CAPRIN2: variants seen among roughly 807,000 people sequenced by gnomAD.
CAPRIN2 encodes caprin family member 2.
CAPRIN2 carries 66 observed loss-of-function variants against 130.4 expected under a neutral mutation model. The observed-to-expected ratio is 0.51, with a 90% CI of 0.42 to 0.62. CAPRIN2 has a LOEUF of 0.62. Among genes scored for constraint, CAPRIN2 ranks in the 20% least tolerant of loss-of-function variants. The probability of loss-of-function intolerance (pLI) is 0.00; values close to 1 mark genes in which losing one functional copy is unlikely to be tolerated. For missense variants in CAPRIN2, 1,185 were observed against 1,246.6 expected (o/e 0.95, Z 0.74); for synonymous variants, 471 against 444.1 (o/e 1.06, Z -0.76).
At chr12:30,715,868 T>C (rs2057387760) in intron 13 of CAPRIN2, 1 of 158,302 alleles carries the variant, frequency 6.3e-6, no homozygotes, top group Non-Finnish European at 1.4e-5. Context: ...AGAATTCATA[T>C]TACTACCTCT....
At chr12:30,742,848 T>A (rs1319176155) in intron 2 of CAPRIN2, among the ~76,000 whole-genome samples, 24 of 152,184 alleles carry the variant, frequency 1.6e-4, no homozygotes, top group Admixed American at 1.6e-3. Context: ...TTAACTTATA[T>A]GGAATATATT....
intron 12 of CAPRIN2, among the ~76,000 whole-genome samples, 166 bp downstream of exon 14, chr12:30,718,910 ATTC>A (rs1235675513): frequency 6.6e-6 from 1 of 152,240 alleles, no homozygotes; most frequent in Non-Finnish European, 1.5e-5. Context: ...TGGATTTCCT[ATTC>A]TTCTGCCACA....
intron 2 of CAPRIN2, among the ~76,000 whole-genome samples, chr12:30,746,848 A>G (rs2070747470): frequency 6.6e-6 from 1 of 152,238 alleles, no homozygotes; most frequent in South Asian, 2.1e-4. Flanking sequence ...AGCTGCATCA[A>G]GTTAGCCAGA....
intron 1 of CAPRIN2, chr12:30,751,615 G>GCC (rs1453605420): frequency 5.8e-6 from 1 of 171,398 alleles, no homozygotes; most frequent in Non-Finnish European, 1.3e-5. Flanking sequence ...GCACAGGACA[G>GCC]CCCTTTACAA....
At chr12:30,721,760 A>T (rs2059468449) in intron 11 of CAPRIN2, among the ~76,000 whole-genome samples, 2 of 152,194 alleles carry the variant, frequency 1.3e-5, no homozygotes, top group Non-Finnish European at 2.9e-5. Flanking sequence ...CAGAGAAATC[A>T]TGTTTCAGTG....
At chr12:30,735,357 C>G (rs2064263767) in intron 3 of CAPRIN2, 151 bp from the exon 5 acceptor site, 1 of 697,868 alleles carries the variant, frequency 1.4e-6, no homozygotes, top group Non-Finnish European at 2.5e-6. Context: ...CCTTTTTGAG[C>G]TAAAGAAGTC....
chr12:30,710,300 T>C lies in CAPRIN2; in HGVS notation c.2836A>G (p.Met946Val). The change falls in exon 17 of 17, where the codon ATG becomes GTG. Residue 946 changes from methionine to valine, a missense_variant. Transcript: ENST00000298892. This position sits in a 1 kb window ranked among gnomAD's most constrained non-coding sequence, Gnocchi z 4.8. ...CTGGCTGCTGAGAAGGCAACTCGCA[T>C]CTGCTGAGGCAGAGGGTAGACGTGT... 6.2e-7 allele frequency: 1 copy of C among 1,614,216 alleles called. No individual in the cohort carries two copies. The highest frequency in any genetic ancestry group is 8.5e-7 in the Non-Finnish European group (1 of 1,180,042).
exon 1 of CAPRIN2, chr12:30,753,621 G>A: frequency 1.2e-6 from 2 of 1,614,122 alleles, no homozygotes; most frequent in Non-Finnish European, 1.7e-6. Context: ...TGAAGGAGGT[G>A]GGGGAAAGTT....
chr12:30,732,891 C>T (rs2063223359), intron 5 of CAPRIN2, among the ~76,000 whole-genome samples: 1 of 152,064 alleles, frequency 6.6e-6, no homozygotes, highest in African/African-American at 2.4e-5. Context: ...TAAGTGTATG[C>T]TTCATTTTAT....
At chr12:30,745,096 T>C (rs941930870) in intron 2 of CAPRIN2, among the ~76,000 whole-genome samples, 1 of 152,174 alleles carries the variant, frequency 6.6e-6, no homozygotes, top group East Asian at 1.9e-4. Context: ...AGAGGGAAGA[T>C]TCTACATTAC....
intron 12 of CAPRIN2, 52 bp downstream of exon 13, chr12:30,720,759 G>A (rs1196717682): frequency 1.7e-5 from 17 of 1,011,632 alleles, no homozygotes; most frequent in African/African-American, 6.4e-5. Context: ...AAGATAAACT[G>A]GTTCTGCTAT....
intron 6 of CAPRIN2, among the ~76,000 whole-genome samples, chr12:30,730,933 T>C (rs921768988): frequency 6.6e-6 from 1 of 152,172 alleles, no homozygotes; most frequent in African/African-American, 2.4e-5. Context: ...TTACTGACTT[T>C]AGCACTTTTT....
At chr12:30,720,858 C>G (rs749650843) in exon 12 of CAPRIN2, 2 of 1,613,566 alleles carry the variant, frequency 1.2e-6, no homozygotes, top group Non-Finnish European at 1.7e-6. Context: ...CCAGAAGAAG[C>G]CTGATCGGTA....
chr12:30,749,734 C>T (rs1205845916), intron 2 of CAPRIN2, among the ~76,000 whole-genome samples: 1 of 152,132 alleles, frequency 6.6e-6, no homozygotes, highest in Non-Finnish European at 1.5e-5. Context: ...CAACTGGACA[C>T]AGAAATATTG....
At chr12:30,714,680 G>T (rs2056827090) in intron 14 of CAPRIN2, among the ~76,000 whole-genome samples, 2 of 152,096 alleles carry the variant, frequency 1.3e-5, no homozygotes, top group African/African-American at 4.8e-5. Flanking sequence ...GTCAACAAAA[G>T]AAAAACATTA....
At chr12:30,742,553 G>A (rs1163349435) in intron 2 of CAPRIN2, among the ~76,000 whole-genome samples, 1 of 151,854 alleles carries the variant, frequency 6.6e-6, no homozygotes, top group Non-Finnish European at 1.5e-5. Flanking sequence ...ACTAAGTAGA[G>A]AGAACCAAAT....
chr12:30,738,773 A>G (rs1456941299), intron 3 of CAPRIN2, among the ~76,000 whole-genome samples: 1 of 152,244 alleles, frequency 6.6e-6, no homozygotes, highest in African/African-American at 2.4e-5. Context: ...AAAAGAAGAC[A>G]TACATGTGGC....
chr12:30,710,462 T>C lies in CAPRIN2; in HGVS notation c.2674A>G (p.Ser892Gly). ...GGGCTGCTCACCTGAGAAGAATCAC[T>C]CCACCCTGCTGTTTTATTAGCAACA... Residue 892 changes from serine to glycine, a missense_variant, in exon 17 of 17, where the codon AGT becomes GGT. By Grantham distance (56) the Ser-to-Gly change is moderately conservative (BLOSUM62 0). Transcript: ENST00000298892. The surrounding 1 kb of genome is among the most constrained non-coding windows in gnomAD (Gnocchi z 4.8). 6.2e-7 allele frequency: 1 copy of C among 1,614,022 alleles called. No individual in the cohort carries two copies. Among genetic ancestry groups the C allele is most frequent in the South Asian group, 1.1e-5 (1 of 91,082 alleles).
chr12:30,747,886 C>T (rs538296395), intron 2 of CAPRIN2, among the ~76,000 whole-genome samples: 102 of 152,186 alleles, frequency 6.7e-4, no homozygotes, highest in South Asian at 1.9e-3. Context: ...CTCTAACACT[C>T]GTGGATGACT....
Sources: allele counts gnomAD v4.1 joint callset (sites outside exome capture counted in the v4.1 genomes callset), GRCh38; gene constraint gnomAD v4.1.1; non-coding constraint Gnocchi (gnomAD v3.1); transcripts MANE v1.5; gene names NCBI Gene and HGNC (gene_info 2026-07-23, HGNC 2026-07-21).